The following VIT variants were observed in gnomAD, a reference collection of about 807,000 sequenced individuals.
VIT encodes vitrin.
In VIT, 99 loss-of-function variants were observed where a neutral mutation model predicts 78.0. The ratio of observed to expected loss-of-function variants is 1.27; its 90% CI spans 1.08 to 1.50. The LOEUF is 1.50. VIT is among the 40% of genes most tolerant of loss of function. The pLI is 0.00. For missense variants in VIT, 1,126 were observed against 875.3 expected (o/e 1.29, Z -3.61); for synonymous variants, 374 against 334.3 (o/e 1.12, Z -1.29).
At chr2:36,751,780 G>C (rs1325328448) in intron 4 of VIT, among the ~76,000 whole-genome samples, 2 of 152,186 alleles carry the variant, frequency 1.3e-5, no homozygotes, top group Non-Finnish European at 2.9e-5. Context: ...GAGTGCCACT[G>C]TGACTTCCCA....
intron 12 of VIT, among the ~76,000 whole-genome samples, chr2:36,797,139 T>C (rs1306289965): frequency 6.6e-6 from 1 of 151,886 alleles, no homozygotes; most frequent in African/African-American, 2.4e-5. Flanking sequence ...TGATAACCCT[T>C]GGTCACTAGA....
chr2:36,812,697 T>C (rs1308863330), intron 15 of VIT, among the ~76,000 whole-genome samples: 1 of 152,110 alleles, frequency 6.6e-6, no homozygotes, highest in Non-Finnish European at 1.5e-5. Flanking sequence ...TACCACCTAC[T>C]GACTCCCTTT....
At chr2:36,703,975 A>T (rs1665247772) in intron 1 of VIT, among the ~76,000 whole-genome samples, 1 of 137,204 alleles carries the variant, frequency 7.3e-6, no homozygotes, top group South Asian at 2.3e-4. Flanking sequence ...GCCAGGCTGG[A>T]GTGCAGTGGC....
intron 6 of VIT, among the ~76,000 whole-genome samples, chr2:36,761,169 G>T (rs1276987168): frequency 6.6e-6 from 1 of 152,198 alleles, no homozygotes; most frequent in Non-Finnish European, 1.5e-5. Context: ...GAAATAAGAT[G>T]CCCACCTGCC....
At chr2:36,754,659 G>A (rs558498818) in intron 4 of VIT, among the ~76,000 whole-genome samples, 1 of 152,136 alleles carries the variant, frequency 6.6e-6, no homozygotes, top group African/African-American at 2.4e-5. Context: ...GAAATCTGAG[G>A]CATGGTGGCA....
chr2:36,734,425 C>T (rs1490519037), intron 3 of VIT, among the ~76,000 whole-genome samples: 2 of 152,120 alleles, frequency 1.3e-5, no homozygotes, highest in Non-Finnish European at 2.9e-5. Context: ...AGGGGGCACT[C>T]TCCTAGACTC....
intron 14 of VIT, among the ~76,000 whole-genome samples, chr2:36,806,940 C>T (rs1334342617): frequency 6.6e-6 from 1 of 152,118 alleles, no homozygotes; most frequent in Non-Finnish European, 1.5e-5. Context: ...CTACCAGAAC[C>T]TTAAATCCCA....
chr2:36,769,688 G>C (rs1260273581), intron 7 of VIT, among the ~76,000 whole-genome samples: 3 of 152,172 alleles, frequency 2.0e-5, no homozygotes, highest in East Asian at 1.9e-4. Context: ...ATTCATGAGA[G>C]ACTTTCCAGA....
At chr2:36,743,297 G>T in intron 4 of VIT, 41 bp downstream of exon 4, 1 of 1,520,506 alleles carries the variant, frequency 6.6e-7, no homozygotes, top group South Asian at 1.3e-5. Flanking sequence ...CTAGAAATCA[G>T]GGTGTTGGCA....
At chr2:36,774,041 G>A (rs1028515408) in intron 8 of VIT, among the ~76,000 whole-genome samples, 194 bp downstream of exon 8, 1 of 152,156 alleles carries the variant, frequency 6.6e-6, no homozygotes, top group South Asian at 2.1e-4. Flanking sequence ...GCAAAGCCCT[G>A]TCCCACTCTC....
chr2:36,729,563 T>C (rs1667068692), intron 3 of VIT, 72 bp downstream of exon 3: 25 of 1,501,222 alleles, frequency 1.7e-5, no homozygotes, highest in Admixed American at 4.3e-5. Context: ...ATACTTGTTT[T>C]AGGTAATTTT....
In VIT at chr2:36,773,798, G is replaced by C; in HGVS notation, c.687G>C (p.Trp229Cys). ...VGHRSQEMDL[W>C]STATYTSSQN... ...AGTCAAATGTCCTTACAGATCTCTG[G>C]TCCACTGCCACCTACACAAGCAGCC... is the stretch of plus-strand genomic sequence containing the variant. The change falls in exon 8 of 16, where the codon TGG becomes TGC. Residue 229 changes from tryptophan (W) to cysteine (C), a missense_variant. Transcript: ENST00000379242. 6.3e-7 allele frequency: 1 copy of C among 1,599,624 alleles called. No individual in the cohort carries two copies. The highest frequency in any genetic ancestry group is 8.5e-7 in the Non-Finnish European group (1 of 1,171,502).
chr2:36,773,646 G>A (rs182160629), intron 7 of VIT, 145 bp from the exon 8 acceptor site: 47 of 546,454 alleles, frequency 8.6e-5, no homozygotes, highest in East Asian at 8.2e-4. Context: ...TGGGAGAATC[G>A]CTTGAACCCG....
At position 36,787,169 on chromosome 2, in the gene VIT, C is replaced by T. The variant is rs1229398540; in HGVS notation, c.951C>T (p.Thr317=). ...TGTCGTTTTTAATTGATGGGAGCACCAGCATTGGCAAACGGCGATTCCGAA... is the reference window on the plus strand; with the variant it reads ...TGTCGTTTTTAATTGATGGGAGCACTAGCATTGGCAAACGGCGATTCCGAA... ...IDLSFLIDGS[T]SIGKRRFRIQ... The change falls in exon 12 of 16, where the codon ACC becomes ACT. Residue 317 remains threonine (T), a synonymous_variant. Coordinates refer to ENST00000379242, the MANE Select transcript of VIT (RefSeq NM_053276.4). The T allele has an allele frequency of 1.9e-6, 3 of 1,614,194 alleles. 1 individual carries two copies. Among genetic ancestry groups the T allele is most frequent in the South Asian group, 2.2e-5 (2 of 91,084 alleles).
intron 1 of VIT, among the ~76,000 whole-genome samples, chr2:36,713,264 G>T (rs1665916696): frequency 6.6e-6 from 1 of 152,178 alleles, no homozygotes; most frequent in African/African-American, 2.4e-5. Flanking sequence ...CTTATCCAGG[G>T]GAATGGCATC....
intron 15 of VIT, among the ~76,000 whole-genome samples, chr2:36,812,410 C>A (rs530763509): frequency 6.6e-6 from 1 of 151,078 alleles, no homozygotes; most frequent in Non-Finnish European, 1.5e-5. Context: ...GAAGGTGGCG[C>A]GAGAATAGGC....
chr2:36,808,956 G>A lies in VIT; in HGVS notation c.1874G>A (p.Arg625Gln), dbSNP rs200500702. 4.8e-5 allele frequency: 77 copies of A among 1,598,798 alleles called. No individual in the cohort carries two copies. The highest frequency in any genetic ancestry group is 3.2e-5 in the Non-Finnish European group (38 of 1,170,100). Residue 625 changes from arginine to glutamine, a missense_variant, in exon 15 of 16, where the codon CGG (arginine) becomes CAG (glutamine). Coordinates refer to ENST00000379242, the MANE Select transcript of VIT (RefSeq NM_053276.4). ...GACGGGAGGTCCTACGACGACGTCC[G>A]GATCCCAGCCATGGCTGCCCATCTG... is the stretch of plus-strand genomic sequence containing the variant. Reference protein sequence around the residue: ...ITDGRSYDDVRIPAMAAHLKG... With the variant: ...ITDGRSYDDVQIPAMAAHLKG...
intron 1 of VIT, among the ~76,000 whole-genome samples, chr2:36,705,496 G>C (rs1558501011): frequency 6.6e-6 from 1 of 152,112 alleles, no homozygotes; most frequent in Non-Finnish European, 1.5e-5. Context: ...TGAAACACAA[G>C]ACCAAAAAAG....
chr2:36,755,953 G>GTTTTTTTT (rs1287805779), intron 5 of VIT, among the ~76,000 whole-genome samples: 1 of 49,636 alleles, frequency 2.0e-5, no homozygotes, highest in Non-Finnish European at 4.2e-5. Context: ...GGACAACACA[G>GTTTTTTTT]TATTTTTTTT....
Sources: gnomAD v4.1 joint callset for allele counts (sites outside exome capture counted in the v4.1 genomes callset) on GRCh38, gnomAD v4.1.1 for gene constraint, MANE v1.5 for transcripts, NCBI Gene and HGNC (gene_info 2026-07-23, HGNC 2026-07-21) for gene names.